Variants in SPATA16 observed in about 807,000 individuals in gnomAD.
SPATA16 encodes spermatogenesis associated 16.
SPATA16 carries 36 observed loss-of-function variants against 63.3 expected under a neutral mutation model. That is an observed-to-expected ratio of 0.57 (90% CI 0.44 to 0.75). The LOEUF (loss-of-function observed/expected upper bound fraction) is 0.75, where lower values mean the gene tolerates loss of function less well. SPATA16 is among the 30% of genes least tolerant of loss of function. SPATA16 has a pLI of 0.00. For synonymous variants in SPATA16, 203 were observed against 216.7 expected (o/e 0.94, Z 0.56); for missense variants, 646 against 679.3 (o/e 0.95, Z 0.54).
intron 1 of SPATA16, among the ~76,000 whole-genome samples, chr3:173,130,358 CAAAAAAAA>C (rs1202660573): frequency 2.5e-5 from 1 of 39,892 alleles, no homozygotes; most frequent in African/African-American, 6.8e-5. Context: ...GACTTCGTCT[CAAAAAAAA>C]AAAAAAAAAA....
At chr3:172,950,212 G>A (rs1002308481) in intron 6 of SPATA16, among the ~76,000 whole-genome samples, 2 of 152,182 alleles carry the variant, frequency 1.3e-5, no homozygotes, top group Non-Finnish European at 2.9e-5. Flanking sequence ...GGCAAACAGC[G>A]CTGTCACCTG....
chr3:173,073,647 C>T (rs1736723674), intron 2 of SPATA16, among the ~76,000 whole-genome samples: 1 of 152,226 alleles, frequency 6.6e-6, no homozygotes, highest in Non-Finnish European at 1.5e-5. Context: ...CCTGGATGTC[C>T]AGGCAGAAGT....
At chr3:173,120,100 AAG>A (rs1393551383) in intron 1 of SPATA16, among the ~76,000 whole-genome samples, 2 of 148,152 alleles carry the variant, frequency 1.3e-5, no homozygotes, top group Admixed American at 1.3e-4. Flanking sequence ...AAAAAAAAAA[AAG>A]AGAGAGAAAA....
chr3:172,973,014 G>A (rs1734081622), intron 5 of SPATA16, among the ~76,000 whole-genome samples: 1 of 152,190 alleles, frequency 6.6e-6, no homozygotes, highest in South Asian at 2.1e-4. Context: ...ATATTGTGTA[G>A]TATTGGAGCT....
intron 3 of SPATA16, among the ~76,000 whole-genome samples, chr3:173,023,271 T>A (rs1003118508): frequency 4.0e-5 from 6 of 151,896 alleles, no homozygotes; most frequent in Non-Finnish European, 7.4e-5. Flanking sequence ...TGATAAATAA[T>A]CCATCCTTCT....
chr3:172,925,260 A>G, intron 7 of SPATA16, 86 bp downstream of exon 7: 2 of 1,418,700 alleles, frequency 1.4e-6, no homozygotes, highest in African/African-American at 1.4e-5. Flanking sequence ...GATTAGAAGG[A>G]GTTAATTTTA....
intron 2 of SPATA16, among the ~76,000 whole-genome samples, chr3:173,101,681 A>G (rs1737500398): frequency 1.3e-5 from 2 of 152,002 alleles, no homozygotes; most frequent in African/African-American, 4.8e-5. Flanking sequence ...GGCCTTTCAC[A>G]TTTTTATCTC....
At chr3:173,003,813 T>C (rs753932304) in intron 4 of SPATA16, among the ~76,000 whole-genome samples, 1 of 152,236 alleles carries the variant, frequency 6.6e-6, no homozygotes, top group Non-Finnish European at 1.5e-5. Context: ...AATTGAGGGC[T>C]TATAATGTGC....
chr3:173,121,590 C>A (rs987537728), intron 1 of SPATA16, among the ~76,000 whole-genome samples: 3 of 151,748 alleles, frequency 2.0e-5, no homozygotes, highest in Non-Finnish European at 4.4e-5. Context: ...TGAATTTTTT[C>A]TTCCAATAAA....
Position 173,085,812 on chromosome 3 carries a change from T to TA in SPATA16, c.612+31307dup, listed in dbSNP as rs1401775918. 1.7e-4 allele frequency among the ~76,000 whole-genome samples: 26 copies of TA among 152,248 alleles called. No homozygotes were observed. In the East Asian group the frequency reaches 4.8e-3, roughly 28 times the overall value. The stretch of plus-strand genomic sequence containing the variant: ...CTTTAGTTCTGTTTATGTGATGAAT[T>TA]ACGTTTATTGATTTGCATATGTTGA... On this transcript the variant is annotated intron_variant, in intron 2 of 10. Coordinates refer to ENST00000351008, the MANE Select transcript of SPATA16 (RefSeq NM_031955.6).
intron 2 of SPATA16, among the ~76,000 whole-genome samples, chr3:173,115,586 C>T (rs915488856): frequency 2.0e-5 from 3 of 152,114 alleles, no homozygotes; most frequent in Admixed American, 2.0e-4. Flanking sequence ...ATCACACTTC[C>T]CTTATTTGTG....
intron 2 of SPATA16, among the ~76,000 whole-genome samples, chr3:173,082,734 G>C (rs1736955988): frequency 6.6e-6 from 1 of 152,160 alleles, no homozygotes; most frequent in Admixed American, 6.6e-5. Flanking sequence ...TCTTTGCCTA[G>C]AAGAGAGGAA....
chr3:172,950,346 G>A (rs1233204880), intron 6 of SPATA16, among the ~76,000 whole-genome samples: 1 of 152,150 alleles, frequency 6.6e-6, no homozygotes, highest in African/African-American at 2.4e-5. Flanking sequence ...AATATTTTAA[G>A]AAAAGAGAAT....
At chr3:173,037,632 G>A (rs1248483395) in intron 3 of SPATA16, among the ~76,000 whole-genome samples, 1 of 152,050 alleles carries the variant, frequency 6.6e-6, no homozygotes, top group African/African-American at 2.4e-5. Flanking sequence ...TCCCCAGTGA[G>A]GAAGAGTCAT....
chr3:172,916,549 AG>A, intron 8 of SPATA16, 68 bp from the exon 9 acceptor site: 1 of 1,532,088 alleles, frequency 6.5e-7, no homozygotes, highest in Non-Finnish European at 9.0e-7. Context: ...CAGGGCTGGA[AG>A]TCAGGGCTTG....
chr3:172,940,710 G>A (rs73175068), intron 6 of SPATA16, among the ~76,000 whole-genome samples: 9,903 of 152,200 alleles, frequency 0.065, 373 homozygotes, highest in Non-Finnish European at 0.076. Context: ...AAAAGGGCTG[G>A]GTGCAGTGGC....
chr3:172,969,219 T>C (rs1733991638), intron 5 of SPATA16, among the ~76,000 whole-genome samples: 1 of 152,144 alleles, frequency 6.6e-6, no homozygotes, highest in Non-Finnish European at 1.5e-5. Flanking sequence ...ACAGCAATTA[T>C]TAACTGTTAA....
intron 4 of SPATA16, among the ~76,000 whole-genome samples, chr3:173,007,555 T>G (rs568542308): frequency 6.6e-6 from 1 of 152,328 alleles, no homozygotes; most frequent in South Asian, 2.1e-4. Flanking sequence ...TAATATAAAA[T>G]AGCTTTGAAA....
chr3:173,048,927 A>G (rs1409776205), intron 3 of SPATA16, 22 bp downstream of exon 3: 9 of 1,613,306 alleles, frequency 5.6e-6, no homozygotes, highest in Non-Finnish European at 6.8e-6. Context: ...ATTTACTTGC[A>G]CTTATTAGTA....
Sources: allele counts gnomAD v4.1 joint callset (sites outside exome capture counted in the v4.1 genomes callset), GRCh38; gene constraint gnomAD v4.1.1; transcripts MANE v1.5; gene names NCBI Gene and HGNC (gene_info 2026-07-23, HGNC 2026-07-21).